STPG2: variants seen among roughly 807,000 people sequenced by gnomAD.
STPG2 encodes the protein sperm tail PG-rich repeat containing 2, also known as sperm-tail PG-rich repeat-containing protein 2.
In STPG2, 56 loss-of-function variants were observed where a neutral mutation model predicts 54.2. That is an observed-to-expected ratio of 1.03 (90% confidence interval 0.83 to 1.29). STPG2 has a LOEUF of 1.29. STPG2 is among the 50% of genes most tolerant of loss of function. The probability of loss-of-function intolerance (pLI) is 0.00; values close to 1 mark genes in which losing one functional copy is unlikely to be tolerated. For missense variants in STPG2, 596 were observed against 544.9 expected (o/e 1.09, Z -0.93); for synonymous variants, 200 against 181.8 (o/e 1.10, Z -0.81).
At chr4:98,123,909 G>A (rs1739756167) in intron 3 of STPG2, among the ~76,000 whole-genome samples, 1 of 152,114 alleles carries the variant, frequency 6.6e-6, no homozygotes, top group South Asian at 2.1e-4. Context: ...AGCTCTTCTT[G>A]TTGACTTGAA....
At chr4:97,538,473 A>G (rs893922133) in intron 4 of STPG2, among the ~76,000 whole-genome samples, 1 of 152,198 alleles carries the variant, frequency 6.6e-6, no homozygotes, top group African/African-American at 2.4e-5. Context: ...GAAATGAAGC[A>G]AGAAGAGAAG....
At chr4:97,914,896 A>T (rs750818868) in intron 8 of STPG2, among the ~76,000 whole-genome samples, 1 of 152,200 alleles carries the variant, frequency 6.6e-6, no homozygotes, top group Non-Finnish European at 1.5e-5. Flanking sequence ...GGTACTTCAT[A>T]TAAGTGGAAT....
chr4:97,863,997 C>T (rs1729664928), intron 8 of STPG2, among the ~76,000 whole-genome samples: 1 of 152,030 alleles, frequency 6.6e-6, no homozygotes, highest in Non-Finnish European at 1.5e-5. Flanking sequence ...TATTATACTC[C>T]ATGGACAAAA....
rs937556834 is a variant in STPG2, at chr4:97,873,128, C to T, written c.1045-32196G>A. ...CTATATCCTCACGTACCCACACATA[C>T]AACCAAATTATATCTCCAATTTCAA... On this transcript the variant is annotated intron_variant, in intron 8 of 10. Transcript: ENST00000295268. Among the ~76,000 whole-genome samples the T allele has an allele frequency of 7.3e-5, 11 of 151,244 alleles. 1 individual carries two copies. Among genetic ancestry groups the T allele is most frequent in the Admixed American group, 6.0e-4 (9 of 15,126 alleles).
At chr4:97,966,449 T>C (rs1187169339) in intron 7 of STPG2, among the ~76,000 whole-genome samples, 1 of 152,186 alleles carries the variant, frequency 6.6e-6, no homozygotes, top group Non-Finnish European at 1.5e-5. Context: ...GAAAACACTC[T>C]TCACAATATT....
At chr4:97,957,165 T>TATATACGTGAA (rs1733708059) in intron 7 of STPG2, among the ~76,000 whole-genome samples, 1 of 133,030 alleles carries the variant, frequency 7.5e-6, no homozygotes, top group Non-Finnish European at 1.6e-5. Context: ...ATATATGAAA[T>TATATACGTGAA]ATATATGTGA....
chr4:97,970,599 C>T (rs549448159), intron 7 of STPG2, among the ~76,000 whole-genome samples: 234 of 152,270 alleles, frequency 1.5e-3, no homozygotes, highest in African/African-American at 5.5e-3. Context: ...GGAAAACTGG[C>T]TAGCCATATG....
At chr4:97,953,256 A>G (rs907478279) in intron 7 of STPG2, among the ~76,000 whole-genome samples, 2 of 152,148 alleles carry the variant, frequency 1.3e-5, no homozygotes, top group African/African-American at 2.4e-5. Flanking sequence ...GAGTTTGTAC[A>G]GGGAGTCAGG....
At chr4:97,472,828 C>A (rs182195824) in intron 4 of STPG2, among the ~76,000 whole-genome samples, 2 of 152,066 alleles carry the variant, frequency 1.3e-5, no homozygotes, top group African/African-American at 2.4e-5. Context: ...TTGGTTGTTG[C>A]GGGAAGTCAG....
chr4:97,865,368 A>C lies in STPG2; in HGVS notation c.1045-24436T>G, dbSNP rs147931684. 2.5e-3 allele frequency among the ~76,000 whole-genome samples: 387 copies of C among 152,344 alleles called. 2 individuals are homozygous for C. Among genetic ancestry groups the C allele is most frequent in the African/African-American group, 9.1e-3 (378 of 41,580 alleles). Reference sequence around the variant, plus strand: ...TGCTCATCATCACTGGCCATCAGAGAAATGCAAATCAATACCACAATATCA... The same window carrying C: ...TGCTCATCATCACTGGCCATCAGAGCAATGCAAATCAATACCACAATATCA... On this transcript the variant is annotated intron_variant, in intron 8 of 10. Coordinates refer to ENST00000295268, the MANE Select transcript of STPG2 (RefSeq NM_174952.3).
At chr4:97,962,829 C>T (rs1162028822) in intron 7 of STPG2, among the ~76,000 whole-genome samples, 1 of 152,176 alleles carries the variant, frequency 6.6e-6, no homozygotes, top group East Asian at 1.9e-4. Flanking sequence ...CTAATAATCA[C>T]TGTGCTAGGC....
chr4:97,757,802 C>T (rs967474829), intron 9 of STPG2, among the ~76,000 whole-genome samples: 4 of 152,042 alleles, frequency 2.6e-5, no homozygotes, highest in Admixed American at 2.6e-4. Context: ...TAGACAATAG[C>T]TTGAATAAGT....
chr4:98,125,128 C>T (rs559545811), intron 3 of STPG2, among the ~76,000 whole-genome samples: 12 of 152,246 alleles, frequency 7.9e-5, no homozygotes, highest in African/African-American at 2.9e-4. Flanking sequence ...ATGCTCCTTT[C>T]GTTCAGTGAA....
intron 4 of STPG2, among the ~76,000 whole-genome samples, chr4:97,469,655 G>T (rs2148813991): frequency 6.6e-6 from 1 of 151,906 alleles, no homozygotes; most frequent in East Asian, 1.9e-4. Context: ...AAAATTAGTT[G>T]TTTCTGACCC....
At chr4:97,535,245 T>C (rs555465087) in intron 4 of STPG2, among the ~76,000 whole-genome samples, 274 of 152,300 alleles carry the variant, frequency 1.8e-3, no homozygotes, top group Middle Eastern at 3.4e-3. Context: ...AAATTCCCAC[T>C]AAAAATTTAT....
At chr4:97,558,354 G>C (rs985713705), downstream of STPG2, among the ~76,000 whole-genome samples, 2 of 152,160 alleles carry the variant, frequency 1.3e-5, no homozygotes, top group African/African-American at 2.4e-5. Flanking sequence ...CCTCCCATCT[G>C]TATTTACAAC....
At chr4:97,570,189 G>T (rs959240609) in intron 10 of STPG2, among the ~76,000 whole-genome samples, 2 of 152,082 alleles carry the variant, frequency 1.3e-5, no homozygotes, top group Non-Finnish European at 2.9e-5. Flanking sequence ...AAATGCTTCA[G>T]ATAACATTAT....
At chr4:97,472,007 A>G (rs561568333) in intron 4 of STPG2, among the ~76,000 whole-genome samples, 1 of 152,296 alleles carries the variant, frequency 6.6e-6, no homozygotes, top group South Asian at 2.1e-4. Context: ...ATTTGAGAAC[A>G]TTTATGTGCA....
intron 9 of STPG2, among the ~76,000 whole-genome samples, chr4:97,779,639 C>T (rs1402403063): frequency 6.6e-6 from 1 of 151,988 alleles, no homozygotes; most frequent in Non-Finnish European, 1.5e-5. Context: ...TCAGTTTCAC[C>T]AAAGTTCAAA....
Sources: gnomAD v4.1 joint callset for allele counts (sites outside exome capture counted in the v4.1 genomes callset) on GRCh38, gnomAD v4.1.1 for gene constraint, MANE v1.5 for transcripts, NCBI Gene and HGNC (gene_info 2026-07-23, HGNC 2026-07-21) for gene names.